The following TRIM52 variants were observed in gnomAD, a reference collection of about 807,000 sequenced individuals.
The protein encoded by TRIM52 is tripartite motif containing 52.
TRIM52 carries 24 observed loss-of-function variants against 27.0 expected under a neutral mutation model. The observed-to-expected ratio is 0.89, with a 90% CI of 0.64 to 1.25. The LOEUF (loss-of-function observed/expected upper bound fraction) is 1.25. TRIM52 is among the 50% of genes most tolerant of loss of function. The pLI, the probability that TRIM52 is intolerant of heterozygous loss-of-function variation, is 0.00. For synonymous variants in TRIM52, 125 were observed against 126.5 expected (o/e 0.99, Z 0.08); for missense variants, 351 against 354.7 (o/e 0.99, Z 0.08).
In TRIM52 at chr5:181,255,825, A is replaced by G. The variant is rs1215554814; in HGVS notation, c.*984T>C. 2 of 152,228 alleles carry G rather than the reference A, an allele frequency of 1.3e-5. No homozygotes were observed. Among genetic ancestry groups the G allele is most frequent in the African/African-American group, 4.8e-5 (2 of 41,474 alleles). 9.4% of individuals were successfully genotyped at this position (152,228 alleles called of 1,614,324 possible). A position where few individuals can be genotyped will look rare whatever the true frequency, so the allele number is the denominator to read the frequency against. On this transcript the variant is annotated 3_prime_UTR_variant, in exon 2 of 2. Coordinates refer to ENST00000688015, the MANE Select transcript of TRIM52 (RefSeq NM_001346048.2). ...TGTTAAAACTCTGTTGAAAATTTTA[A>G]CTTTTGAAATGTTCAAGTATAGATT... is the stretch of plus-strand genomic sequence containing the variant.
chr5:181,257,568 A>C (rs1759836039), intron 1 of TRIM52: 4 of 1,223,126 alleles, frequency 3.3e-6, no homozygotes, highest in Non-Finnish European at 4.5e-6. Flanking sequence ...TGTATTAAAT[A>C]AACCATTATA....
chr5:181,259,832 C>CT (rs1759952676), intron 1 of TRIM52, 169 bp downstream of exon 1: 3 of 1,456,332 alleles, frequency 2.1e-6, no homozygotes, highest in South Asian at 2.8e-5. Context: ...TTTGTGTCTC[C>CT]TTTTTTACCC....
In TRIM52 at chr5:181,260,926, C is replaced by A. The variant is rs1352575529; in HGVS notation, c.-113G>T. Reference sequence around the variant, plus strand: ...TGACCCGAGGCTGTCCTCAACCTTGCTCTTCTTCCTCGGGGCCGCAGGGGA... The same window carrying A: ...TGACCCGAGGCTGTCCTCAACCTTGATCTTCTTCCTCGGGGCCGCAGGGGA... On this transcript the variant is annotated 5_prime_UTR_variant, in exon 1 of 2. Transcript: ENST00000688015. This position sits in a 1 kb window ranked among gnomAD's most constrained non-coding sequence, Gnocchi z 4.4. 2.1e-6 allele frequency: 3 copies of A among 1,429,910 alleles called. No individual in the cohort carries two copies. The highest frequency in any genetic ancestry group is 2.8e-6 in the Non-Finnish European group (3 of 1,086,470). 88.6% of individuals were successfully genotyped at this position (1,429,910 alleles called of 1,614,324 possible). A position where few individuals can be genotyped will look rare whatever the true frequency, so the allele number is the denominator to read the frequency against.
chr5:181,249,103 C>T (rs576041751), downstream of TRIM52, among the ~76,000 whole-genome samples: 13 of 152,300 alleles, frequency 8.5e-5, no homozygotes, highest in Admixed American at 4.6e-4. Flanking sequence ...CTGCTAAAAA[C>T]GCACTTATTG....
At chr5:181,254,565 C>G (rs111773785), downstream of TRIM52, 1 of 152,130 alleles carries the variant, frequency 6.6e-6, no homozygotes, top group Non-Finnish European at 1.5e-5. Flanking sequence ...TTAGTAGAGA[C>G]GGGGTTTCAC....
Position 181,260,857 on chromosome 5 carries a change from A to C in TRIM52, c.-44T>G. ...GTGTAGATACGTCAGCTTGGAGCTG[A>C]GGAGCGGGGACGCGCCTGCAGGCCT... is the stretch of plus-strand genomic sequence containing the variant. On this transcript the variant is annotated 5_prime_UTR_variant, in exon 1 of 2. Coordinates refer to ENST00000688015, the MANE Select transcript of TRIM52 (RefSeq NM_001346048.2). This position sits in a 1 kb window ranked among gnomAD's most constrained non-coding sequence, Gnocchi z 4.4. 1 of 1,535,502 alleles carries C rather than the reference A, an allele frequency of 6.5e-7. No individual in the cohort carries two copies. Among genetic ancestry groups the C allele is most frequent in the Non-Finnish European group, 8.8e-7 (1 of 1,140,002 alleles).
chr5:181,252,673 T>TA (rs1274276042), downstream of TRIM52, among the ~76,000 whole-genome samples: 1 of 152,214 alleles, frequency 6.6e-6, no homozygotes, highest in African/African-American at 2.4e-5. Flanking sequence ...AGGCATGGCA[T>TA]AGAGGCCAGG....
intron 1 of TRIM52, chr5:181,257,401 C>T (rs200207166): frequency 6.3e-7 from 1 of 1,595,940 alleles, no homozygotes; most frequent in African/African-American, 1.3e-5. Flanking sequence ...GGCTACCCAA[C>T]TTTTCACACA....
At chr5:181,251,267 GC>G (rs1759627538), downstream of TRIM52, among the ~76,000 whole-genome samples, 1 of 149,148 alleles carries the variant, frequency 6.7e-6, no homozygotes, top group South Asian at 2.1e-4. Flanking sequence ...GCACTCCAGA[GC>G]CTGGGCGACA....
intron 1 of TRIM52, chr5:181,257,565 A>C (rs577962819): frequency 6.8e-4 from 855 of 1,260,832 alleles, no homozygotes; most frequent in Non-Finnish European, 8.7e-4. Context: ...TACTGTATTA[A>C]ATAAACCATT....
At chr5:181,258,864 C>T (rs1759905662) in intron 1 of TRIM52, 1 of 152,138 alleles carries the variant, frequency 6.6e-6, no homozygotes, top group Non-Finnish European at 1.5e-5. Context: ...TATTTTAAGA[C>T]ACACTAATTG....
At chr5:181,259,880 A>G in intron 1 of TRIM52, 121 bp downstream of exon 1, 1 of 1,564,060 alleles carries the variant, frequency 6.4e-7, no homozygotes. Flanking sequence ...CCCTCATCAA[A>G]TAAAGAGAAG....
At chr5:181,257,623 CA>C (rs1759838865) in intron 1 of TRIM52, 2 of 620,842 alleles carry the variant, frequency 3.2e-6, no homozygotes, top group Admixed American at 7.8e-5. Context: ...TGACTTTGGT[CA>C]GTAAAATTCT....
At chr5:181,258,018 A>AAAAT (rs1385533588) in intron 1 of TRIM52, 2 of 150,566 alleles carry the variant, frequency 1.3e-5, no homozygotes, top group African/African-American at 5.0e-5. Flanking sequence ...TAAATAAATA[A>AAAAT]AAATAAAAAA....
At chr5:181,250,757 G>A (rs960136867), downstream of TRIM52, among the ~76,000 whole-genome samples, 1 of 152,122 alleles carries the variant, frequency 6.6e-6, no homozygotes, top group African/African-American at 2.4e-5. Flanking sequence ...AGGGATGAAG[G>A]GCAGTCCTCT....
chr5:181,250,115 C>A (rs992954844), downstream of TRIM52, among the ~76,000 whole-genome samples: 2 of 152,052 alleles, frequency 1.3e-5, no homozygotes, highest in African/African-American at 4.8e-5. Context: ...GTCTAGCAGT[C>A]CCCCAGAAAG....
In TRIM52 at chr5:181,260,947, G is replaced by C. The variant is rs926806566; in HGVS notation, c.-134C>G. On this transcript the variant is annotated 5_prime_UTR_variant, in exon 1 of 2. Coordinates refer to ENST00000688015, the MANE Select transcript of TRIM52 (RefSeq NM_001346048.2). The surrounding 1 kb of genome is among the most constrained non-coding windows in gnomAD (Gnocchi z 4.4). ...CTTGCTCTTCTTCCTCGGGGCCGCA[G>C]GGGAGCTTTGACCCCCTCTCTCAGG... 7.4e-7 allele frequency: 1 copy of C among 1,353,600 alleles called. No individual in the cohort carries two copies. The highest frequency in any genetic ancestry group is 1.5e-5 in the African/African-American group (1 of 67,996). The allele number at this position is 1,353,600 out of a possible 1,614,324, so 83.8% of individuals were successfully genotyped here. A position where few individuals can be genotyped will look rare whatever the true frequency, so the allele number is the denominator to read the frequency against.
intron 1 of TRIM52, chr5:181,257,562 TTAAA>T (rs1191877455): frequency 1.8e-5 from 24 of 1,301,470 alleles, no homozygotes; most frequent in Non-Finnish European, 2.6e-5. Context: ...GTATACTGTA[TTAAA>T]TAAACCATTA....
chr5:181,259,796 A>C (rs1036512512), intron 1 of TRIM52: 17 of 1,148,112 alleles, frequency 1.5e-5, no homozygotes, highest in Non-Finnish European at 2.0e-5. Flanking sequence ...CCTCTGGGGA[A>C]GCCAATCTGC....
Sources: allele counts gnomAD v4.1 joint callset (sites outside exome capture counted in the v4.1 genomes callset), GRCh38; gene constraint gnomAD v4.1.1; non-coding constraint Gnocchi (gnomAD v3.1); transcripts MANE v1.5; gene names NCBI Gene and HGNC (gene_info 2026-07-23, HGNC 2026-07-21).